The following CHD8 variants were observed in gnomAD, a reference collection of about 807,000 sequenced individuals.
The protein encoded by CHD8 is chromodomain helicase DNA binding protein 8, also known as ATP-dependent chromatin remodeler CHD8.
In CHD8, 31 loss-of-function variants were observed where a neutral mutation model predicts 279.2. That is an observed-to-expected ratio of 0.11 (90% confidence interval 0.08 to 0.15). CHD8 has a LOEUF of 0.15. CHD8 is among the 10% of genes least tolerant of loss of function. The pLI is 1.00. For missense variants in CHD8, 2,146 were observed against 3,230.5 expected (o/e 0.66, Z 8.14); for synonymous variants, 1,081 against 1,139.6 (o/e 0.95, Z 1.04).
At chr14:21,436,640 A>G (rs537284157) in intron 1 of CHD8, among the ~76,000 whole-genome samples, 1 of 152,324 alleles carries the variant, frequency 6.6e-6, no homozygotes, top group East Asian at 1.9e-4. Context: ...CCAATTACTG[A>G]AAGAGAAAGC....
In CHD8 at chr14:21,385,672, G is replaced by A; in HGVS notation, c.7687C>T (p.Leu2563Phe). 1 of 1,551,966 alleles carries A rather than the reference G, an allele frequency of 6.4e-7. No homozygotes were observed. The highest frequency in any genetic ancestry group is 8.7e-7 in the Non-Finnish European group (1 of 1,147,060). The change falls in exon 38 of 38, where the codon CTC (leucine) becomes TTC (phenylalanine). Residue 2563 changes from leucine (L) to phenylalanine (F), a missense_variant. Physicochemically the swap from Leu to Phe is conservative, Grantham distance 22 (BLOSUM62 0). Transcript: ENST00000646647. ...GYDSSERDFS[L>F]IDDPMMPANS... ...GCTGGCATCATAGGATCATCAATGA[G>A]TGAGAAGTCCCTTTCTGAGCTATCA...
rs181151935 is a variant in CHD8 at position 21,454,485 on chromosome 14, T to G, written c.-216+1547A>C. Among the ~76,000 whole-genome samples, 281 of 151,694 alleles carry G rather than the reference T, an allele frequency of 1.9e-3. 1 individual carries two copies. Among genetic ancestry groups the G allele is most frequent in the African/African-American group, 6.5e-3 (269 of 41,372 alleles). On this transcript the variant is annotated intron_variant, in intron 1 of 37. Coordinates refer to ENST00000646647, the MANE Select transcript of CHD8 (RefSeq NM_001170629.2). ...GGCACGCGTCACCATGCCCGGCTAA[T>G]TTTTTTTTGTATTTTTTGTACTTTT...
intron 34 of CHD8, chr14:21,392,252 G>C: frequency 1.3e-6 from 1 of 758,908 alleles, no homozygotes. Flanking sequence ...TCATCACAGG[G>C]GCAAAATCCT....
rs760362633 is a variant in CHD8, at chr14:21,393,919, G to A, written c.5876C>T (p.Ala1959Val). ...GTTCTGCATATAATTCATACGGGCA[G>A]CCAGAAAAGAGAAGTCTGGGTCCTG... Reference protein sequence around the residue: ...IMQDPDFSFLAARMNYMQNHQ... With the variant: ...IMQDPDFSFLVARMNYMQNHQ... The change falls in exon 32 of 38, where the codon GCT becomes GTT. Residue 1959 changes from alanine to valine, a missense_variant. Ala to Val is a moderately conservative substitution (Grantham distance 64). Around this residue, in one of 26 missense-constraint regions of CHD8, gnomAD observed 513 missense variants for 637.6 expected, o/e 0.80. Coordinates refer to ENST00000646647, the MANE Select transcript of CHD8 (RefSeq NM_001170629.2). 8.1e-6 allele frequency: 13 copies of A among 1,613,818 alleles called. No homozygotes were observed. The African/African-American group carries it at 1.5e-4, about 18-fold the overall frequency.
chr14:21,447,887 A>T (rs985849573), intron 1 of CHD8, among the ~76,000 whole-genome samples: 2 of 152,202 alleles, frequency 1.3e-5, no homozygotes, highest in Admixed American at 1.3e-4. Context: ...GCTCATGGTC[A>T]CTAAGGTGAA....
At position 21,385,475 on chromosome 14, in the gene CHD8, T is replaced by C; in HGVS notation, c.*138A>G. The C allele has an allele frequency of 6.6e-6, 9 of 1,369,536 alleles. No individual in the cohort carries two copies. The highest frequency in any genetic ancestry group is 8.6e-6 in the Non-Finnish European group (9 of 1,045,502). 84.8% of individuals were successfully genotyped at this position (1,369,536 alleles called of 1,614,324 possible). A position where few individuals can be genotyped will look rare whatever the true frequency, so the allele number is the denominator to read the frequency against. On this transcript the variant is annotated 3_prime_UTR_variant, in exon 38 of 38. Coordinates refer to ENST00000646647, the MANE Select transcript of CHD8 (RefSeq NM_001170629.2). ...AATTGGGAGCAATCAGGTACATTTTTTTTTTTTTTTCCTTTTCACCTCCTG... is the reference window on the plus strand; with the variant it reads ...AATTGGGAGCAATCAGGTACATTTTCTTTTTTTTTTCCTTTTCACCTCCTG...
intron 5 of CHD8, 64 bp downstream of exon 5, chr14:21,426,064 C>T: frequency 1.1e-6 from 1 of 951,954 alleles, no homozygotes; most frequent in East Asian, 2.5e-5. Context: ...TCAATATCTG[C>T]TTGGCTTGGT....
At chr14:21,437,965 G>A (rs1177210477) in intron 1 of CHD8, among the ~76,000 whole-genome samples, 2 of 152,076 alleles carry the variant, frequency 1.3e-5, no homozygotes, top group Non-Finnish European at 2.9e-5. Flanking sequence ...TTTAATCAGT[G>A]TCCACTTTGC....
chr14:21,401,390 A>G lies in CHD8; in HGVS notation c.4173+13T>C. The stretch of plus-strand genomic sequence containing the variant: ...TCTTCTGCGATACTTCCTCCCTAAA[A>G]GAAGAAACTCACCTTGCTGTTGAGC... On this transcript the variant is annotated intron_variant, in intron 21 of 37. Coordinates refer to ENST00000646647, the MANE Select transcript of CHD8 (RefSeq NM_001170629.2). 1 of 1,520,006 alleles carries G rather than the reference A, an allele frequency of 6.6e-7. No homozygotes were observed. Among genetic ancestry groups the G allele is most frequent in the South Asian group, 1.2e-5 (1 of 81,028 alleles). The allele number at this position is 1,520,006 out of a possible 1,614,324, so 94.2% of individuals were successfully genotyped here.
At chr14:21,393,289 A>G in intron 32 of CHD8, 35 bp from the exon 33 acceptor site, 1 of 1,611,990 alleles carries the variant, frequency 6.2e-7, no homozygotes, top group Non-Finnish European at 8.5e-7. Flanking sequence ...GTGAGAAAAG[A>G]TGGAAGAATA....
intron 1 of CHD8, among the ~76,000 whole-genome samples, chr14:21,433,777 C>A (rs917286044): frequency 3.3e-5 from 5 of 152,136 alleles, no homozygotes; most frequent in African/African-American, 1.2e-4. Flanking sequence ...TCCTGGCTAG[C>A]CTATTCCACC....
chr14:21,385,470 ATT>A lies in CHD8; in HGVS notation c.*141_*142del, dbSNP rs370612022. 6.5e-3 allele frequency: 6,799 copies of A among 1,042,244 alleles called. No homozygotes were observed. The highest frequency in any genetic ancestry group is 9.4e-3 in the South Asian group (455 of 48,390). The allele number at this position is 1,042,244 out of a possible 1,614,324, so 64.6% of individuals were successfully genotyped here. On this transcript the variant is annotated 3_prime_UTR_variant, in exon 38 of 38. Transcript: ENST00000646647. The stretch of plus-strand genomic sequence containing the variant: ...CTCATAATTGGGAGCAATCAGGTAC[ATT>A]TTTTTTTTTTTTTCCTTTTCACCTC...
chr14:21,437,755 G>A (rs576458355), intron 1 of CHD8, among the ~76,000 whole-genome samples: 7 of 152,106 alleles, frequency 4.6e-5, no homozygotes, highest in Non-Finnish European at 8.8e-5. Context: ...GCCTTTTAAA[G>A]CACTCTTTCT....
In CHD8 at chr14:21,394,259, C is replaced by T. The variant is rs1371929224; in HGVS notation, c.5599+18G>A. On this transcript the variant is annotated intron_variant, in intron 31 of 37. Transcript: ENST00000646647. ...TTCTGTTGGCATCCATCCTCACCCA[C>T]TCTGCAATCTTGCTTACCATCTCCA... 6.2e-7 allele frequency: 1 copy of T among 1,613,890 alleles called. No homozygotes were observed.
intron 3 of CHD8, among the ~76,000 whole-genome samples, 161 bp from the exon 4 acceptor site, chr14:21,428,415 T>A (rs1194953054): frequency 6.6e-6 from 1 of 152,238 alleles, no homozygotes; most frequent in Non-Finnish European, 1.5e-5. Context: ...TTAAAATGTA[T>A]TCTTTTGGTG....
intron 16 of CHD8, chr14:21,404,791 G>C (rs1470649389): frequency 5.9e-6 from 1 of 170,106 alleles, no homozygotes; most frequent in Non-Finnish European, 1.3e-5. Context: ...GGATCAAAGG[G>C]GTAGAAAGAA....
Position 21,414,943 on chromosome 14 carries a change from C to T in CHD8, c.2019G>A (p.Lys673=). The T allele has an allele frequency of 6.2e-7, 1 of 1,602,046 alleles. No homozygotes were observed. Among genetic ancestry groups the T allele is most frequent in the African/African-American group, 1.3e-5 (1 of 74,874 alleles). The part of the protein sequence containing the change: ...TEAEEFFVKY[K]NYSYLHCEWA... The stretch of plus-strand genomic sequence containing the variant: ...TTTTTGCACAGATCACGTACTAGTT[C>T]TTGTACTTGACAAAGAATTCTTCTG... Residue 673 remains lysine, a synonymous_variant, in exon 8 of 38, where the codon AAG becomes AAA. Transcript: ENST00000646647.
intron 1 of CHD8, among the ~76,000 whole-genome samples, chr14:21,432,558 T>TA (rs1160890599): frequency 2.6e-5 from 4 of 152,208 alleles, no homozygotes; most frequent in Non-Finnish European, 4.4e-5. Flanking sequence ...TACCATCTCT[T>TA]ACATATATTT....
At position 21,387,741 on chromosome 14, in the gene CHD8, G is replaced by T. The variant is rs1190735995; in HGVS notation, c.7183-1565C>A. ...GAATCACTTGAACCCAGGAGGCGGA[G>T]GTTGCAGTGAGCTGAGATCATGCCA... On this transcript the variant is annotated intron_variant, in intron 37 of 37. Coordinates refer to ENST00000646647, the MANE Select transcript of CHD8 (RefSeq NM_001170629.2). 2.7e-5 allele frequency among the ~76,000 whole-genome samples: 4 copies of T among 149,016 alleles called. No homozygotes were observed. In the South Asian group the frequency reaches 8.6e-4, roughly 32 times the overall value.
Sources: gnomAD v4.1 joint callset for allele counts (sites outside exome capture counted in the v4.1 genomes callset) on GRCh38, gnomAD v4.1.1 for gene constraint, gnomAD v4.1.1 regional missense constraint, MANE v1.5 for transcripts, NCBI Gene and HGNC (gene_info 2026-07-23, HGNC 2026-07-21) for gene names.